Variants in FAM234B observed in about 807,000 individuals in gnomAD.
FAM234B encodes family with sequence similarity 234 member B.
Under a neutral mutation model 69.3 loss-of-function variants are expected in FAM234B, and 33 were observed. The observed-to-expected ratio is 0.48, with a 90% CI of 0.36 to 0.64. The LOEUF (loss-of-function observed/expected upper bound fraction) is 0.64, where lower values mean the gene tolerates loss of function less well. FAM234B is among the 30% of genes least tolerant of loss of function. The probability of loss-of-function intolerance (pLI) is 0.00; values close to 1 mark genes in which losing one functional copy is unlikely to be tolerated. For synonymous variants in FAM234B, 306 were observed against 306.9 expected (o/e 1.00, Z 0.03); for missense variants, 697 against 769.7 (o/e 0.91, Z 1.12).
At chr12:13,058,613 G>A in intron 3 of FAM234B, 64 bp downstream of exon 3, 1 of 1,372,486 alleles carries the variant, frequency 7.3e-7, no homozygotes, top group Non-Finnish European at 1.0e-6. Flanking sequence ...AAACATCAGA[G>A]CTGTGTCCCA....
chr12:13,070,291 G>C (rs1455332857), intron 9 of FAM234B, among the ~76,000 whole-genome samples: 1 of 151,058 alleles, frequency 6.6e-6, no homozygotes, highest in Non-Finnish European at 1.5e-5. Context: ...ATTGCCAAAG[G>C]CAATCTTGAA....
At chr12:13,075,427 T>C (rs1162327149) in intron 10 of FAM234B, among the ~76,000 whole-genome samples, 7 of 115,862 alleles carry the variant, frequency 6.0e-5, no homozygotes, top group Admixed American at 8.1e-5. Flanking sequence ...CCTTTTCTTT[T>C]CTTTTCTTTT....
chr12:13,066,805 T>C lies in FAM234B; in HGVS notation c.1000+18T>C. ...TGGCTTTGGTAAGAAGCAAGGCTAG[T>C]TTTTGCTCCTGTTCCCCACTGGCAT... On this transcript the variant is annotated intron_variant, in intron 6 of 12. Coordinates refer to ENST00000197268, the MANE Select transcript of FAM234B (RefSeq NM_020853.2). 6.2e-7 allele frequency: 1 copy of C among 1,607,268 alleles called. No homozygotes were observed. Among genetic ancestry groups the C allele is most frequent in the Non-Finnish European group, 8.5e-7 (1 of 1,176,382 alleles).
chr12:13,070,879 G>A (rs1160412224), intron 9 of FAM234B, among the ~76,000 whole-genome samples: 1 of 152,152 alleles, frequency 6.6e-6, no homozygotes, highest in Non-Finnish European at 1.5e-5. Flanking sequence ...TGGCTGCTCT[G>A]TCTCTCTGAG....
chr12:13,073,980 T>G (rs1865135436), intron 10 of FAM234B, among the ~76,000 whole-genome samples: 1 of 152,240 alleles, frequency 6.6e-6, no homozygotes. Flanking sequence ...AAAGCATCAA[T>G]GATTTCACCA....
intron 1 of FAM234B, among the ~76,000 whole-genome samples, chr12:13,053,286 A>C (rs1303199683): frequency 6.6e-6 from 1 of 152,168 alleles, no homozygotes; most frequent in Non-Finnish European, 1.5e-5. Context: ...TGTTCATTTT[A>C]AAAAATCTAA....
At position 13,071,396 on chromosome 12, in the gene FAM234B, C is replaced by T. The variant is rs116753542; in HGVS notation, c.1524C>T (p.Ser508=). ...GGCTGTCAGCTGCATCTCCCAATTC[C>T]GTGAGTGAGCCTGGGAGGGTCCCTT... ...AEGLSAASPN[S]DIILGTEPPS... Residue 508 remains serine, a splice_region_variant and synonymous_variant, in exon 10 of 13, where the codon TCC becomes TCT. Coordinates refer to ENST00000197268, the MANE Select transcript of FAM234B (RefSeq NM_020853.2). 1,886 of 1,613,926 alleles carry T rather than the reference C, an allele frequency of 1.2e-3. 29 individuals are homozygous for T. In the African/African-American group the frequency reaches 0.022, roughly 19 times the overall value.
rs1379842167 is a variant in FAM234B at position 13,081,290 on chromosome 12, A to G, written c.*660A>G. ...TATATCCTATTTCCTTAGATTTTCC[A>G]TCCATGTCTATTAAGTGACCACAAG... On this transcript the variant is annotated 3_prime_UTR_variant, in exon 13 of 13. Transcript: ENST00000197268. 3 of 152,180 alleles carry G rather than the reference A, an allele frequency of 2.0e-5. No homozygotes were observed. The highest frequency in any genetic ancestry group is 7.2e-5 in the African/African-American group (3 of 41,442). 9.4% of individuals were successfully genotyped at this position (152,180 alleles called of 1,614,324 possible). A position where few individuals can be genotyped will look rare whatever the true frequency, so the allele number is the denominator to read the frequency against.
At chr12:13,077,510 G>C (rs1184164541) in intron 11 of FAM234B, among the ~76,000 whole-genome samples, 5 of 149,108 alleles carry the variant, frequency 3.4e-5, no homozygotes, top group Non-Finnish European at 7.4e-5. Context: ...CTATGAGTGA[G>C]AACATGCGGT....
intron 12 of FAM234B, 83 bp from the exon 13 acceptor site, chr12:13,080,542 A>G (rs1865213393): frequency 8.8e-7 from 1 of 1,138,002 alleles, no homozygotes; most frequent in African/African-American, 1.5e-5. Flanking sequence ...ATAGAGAAAT[A>G]TTCTGACCTT....
rs117742214 is a variant in FAM234B, at chr12:13,059,504, A to C, written c.532+955A>C. Among the ~76,000 whole-genome samples, 124 of 152,334 alleles carry C rather than the reference A, an allele frequency of 8.1e-4. 2 individuals are homozygous for C. In the East Asian group the frequency reaches 0.023, roughly 28 times the overall value. On this transcript the variant is annotated intron_variant, in intron 3 of 12. Transcript: ENST00000197268. ...AAAAATGCGTTCTGATTTCAGCCTAAGTACACAAGGCTTTTGGTTGATCCT... is the reference window on the plus strand; with the variant it reads ...AAAAATGCGTTCTGATTTCAGCCTACGTACACAAGGCTTTTGGTTGATCCT...
chr12:13,056,679 G>A (rs1591597101), intron 2 of FAM234B, among the ~76,000 whole-genome samples: 1 of 152,172 alleles, frequency 6.6e-6, no homozygotes, highest in African/African-American at 2.4e-5. Context: ...TAGTTTCTCT[G>A]AAGGCAAGTT....
At chr12:13,065,732 T>C (rs1865029166) in intron 5 of FAM234B, among the ~76,000 whole-genome samples, 1 of 152,224 alleles carries the variant, frequency 6.6e-6, no homozygotes, top group Admixed American at 6.5e-5. Flanking sequence ...GATAAGAATG[T>C]TTAATAGGAA....
chr12:13,062,940 C>T lies in FAM234B; in HGVS notation c.817C>T (p.Arg273Ter), dbSNP rs373297852. 7.4e-6 allele frequency: 12 copies of T among 1,614,006 alleles called. No homozygotes were observed. Among genetic ancestry groups the T allele is most frequent in the African/African-American group, 1.3e-5 (1 of 75,036 alleles). Residue 273 changes from arginine to a stop codon, truncating the protein, a stop_gained, in exon 5 of 13, where the codon CGA becomes TGA. Transcript: ENST00000197268. LOFTEE classifies it high-confidence loss of function. The stretch of plus-strand genomic sequence containing the variant: ...GCCAGACTTGGATGAAGACGGTGTT[C>T]GAGACCTTGTGGTTCTGGCCATTGG... Reference protein sequence around the residue: ...VLPDLDEDGVRDLVVLAIGEL... With the variant: ...VLPDLDEDGV
Position 13,080,866 on chromosome 12 carries a change from TG to T in FAM234B, c.*237del. The T allele has an allele frequency of 2.3e-6, 1 of 441,858 alleles. No individual in the cohort carries two copies. The highest frequency in any genetic ancestry group is 3.5e-5 in the East Asian group (1 of 28,780). 27.4% of individuals were successfully genotyped at this position (441,858 alleles called of 1,614,324 possible). A position where few individuals can be genotyped will look rare whatever the true frequency, so the allele number is the denominator to read the frequency against. ...CTGCATTAATCCCCTCTAGGAACTCTGCGTGGATCGTTTGGAAATGTGAATC... is the reference window on the plus strand; with the variant it reads ...CTGCATTAATCCCCTCTAGGAACTCTCGTGGATCGTTTGGAAATGTGAATC... On this transcript the variant is annotated 3_prime_UTR_variant, in exon 13 of 13. Coordinates refer to ENST00000197268, the MANE Select transcript of FAM234B (RefSeq NM_020853.2).
At chr12:13,060,215 C>T (rs1864970501) in intron 3 of FAM234B, among the ~76,000 whole-genome samples, 1 of 152,210 alleles carries the variant, frequency 6.6e-6, no homozygotes, top group African/African-American at 2.4e-5. Flanking sequence ...AGTTCATGTC[C>T]TTGACCCTCA....
chr12:13,057,687 G>A lies in FAM234B; in HGVS notation c.434-764G>A, dbSNP rs117457388. Among the ~76,000 whole-genome samples, 151 of 152,304 alleles carry A rather than the reference G, an allele frequency of 9.9e-4. 1 individual carries two copies. Among genetic ancestry groups the A allele is most frequent in the Non-Finnish European group, 1.5e-3 (100 of 68,030 alleles). ...GTGTGAATTCTCTCCAAATTTGGTGGGCATCCTCTGAGTCCACACTTTTGG... is the reference window on the plus strand; with the variant it reads ...GTGTGAATTCTCTCCAAATTTGGTGAGCATCCTCTGAGTCCACACTTTTGG... On this transcript the variant is annotated intron_variant, in intron 2 of 12. Transcript: ENST00000197268.
Position 13,055,563 on chromosome 12 carries a change from C to T in FAM234B, c.50C>T (p.Pro17Leu), listed in dbSNP as rs148738417. The change falls in exon 2 of 13, where the codon CCA becomes CTA. Residue 17 changes from proline to leucine, a missense_variant. By Grantham distance (98) the Pro-to-Leu change is moderately conservative (BLOSUM62 -3). Coordinates refer to ENST00000197268, the MANE Select transcript of FAM234B (RefSeq NM_020853.2). Reference sequence around the variant, plus strand: ...TCTGTATTTTCAGGGAAGAAGAGCCCAGACCTAGGGGAGTATGATCCACTT... The same window carrying T: ...TCTGTATTTTCAGGGAAGAAGAGCCTAGACCTAGGGGAGTATGATCCACTT... Reference protein sequence around the residue: ...RALKLPGKKSPDLGEYDPLTQ... With the variant: ...RALKLPGKKSLDLGEYDPLTQ... 42 of 1,593,222 alleles carry T rather than the reference C, an allele frequency of 2.6e-5. No homozygotes were observed. The highest frequency in any genetic ancestry group is 3.5e-5 in the Non-Finnish European group (41 of 1,163,518).
chr12:13,064,992 C>T (rs1865022478), intron 5 of FAM234B, among the ~76,000 whole-genome samples: 1 of 152,158 alleles, frequency 6.6e-6, no homozygotes, highest in African/African-American at 2.4e-5. Context: ...AACTTTCTCA[C>T]ACCATGCTAT....
Sources: allele counts gnomAD v4.1 joint callset (sites outside exome capture counted in the v4.1 genomes callset), GRCh38; gene constraint gnomAD v4.1.1; transcripts MANE v1.5; gene names NCBI Gene and HGNC (gene_info 2026-07-23, HGNC 2026-07-21).